The following RBM33 variants were observed in gnomAD, a reference collection of about 807,000 sequenced individuals.
RBM33 encodes RNA-binding protein 33.
A neutral mutation model predicts 132.6 loss-of-function variants in RBM33; 28 were observed. The ratio of observed to expected loss-of-function variants is 0.21; its 90% CI spans 0.16 to 0.29. RBM33 has a LOEUF of 0.29. RBM33 is among the 10% of genes least tolerant of loss of function. The probability of loss-of-function intolerance (pLI) is 1.00; values close to 1 mark genes in which losing one functional copy is unlikely to be tolerated. For missense variants in RBM33, 1,291 were observed against 1,518.5 expected, an observed-to-expected ratio of 0.85 and a Z score of 2.49; for synonymous variants, 634 against 593.0, an observed-to-expected ratio of 1.07 and a Z score of -1.01.
rs757671042 is a variant in RBM33, at chr7:155,706,760, G to A, written c.740-100G>A. On this transcript the variant is annotated intron_variant, in intron 6 of 17. Transcript: ENST00000401878. ...TTCCTGCGGGTGAAGCACATGCTGT[G>A]GCAGAGTTTCATTGTCACATCATTC... 253 of 970,442 alleles carry A rather than the reference G, an allele frequency of 2.6e-4. 2 individuals are homozygous for A. Among genetic ancestry groups the A allele is most frequent in the Non-Finnish European group, 3.6e-4 (237 of 652,210 alleles). 60.1% of individuals were successfully genotyped at this position (970,442 alleles called of 1,614,324 possible).
chr7:155,713,077 A>C (rs933303201), intron 8 of RBM33, among the ~76,000 whole-genome samples: 7 of 152,090 alleles, frequency 4.6e-5, no homozygotes, highest in Admixed American at 2.6e-4. Context: ...GGATTTGCTG[A>C]TGGATTGGAT....
At position 155,775,269 on chromosome 7, in the gene RBM33, C is replaced by G. The variant is rs76316344; in HGVS notation, c.*228C>G. On this transcript the variant is annotated 3_prime_UTR_variant, in exon 18 of 18. Transcript: ENST00000401878. ...TAGATTGCTTCACATTCTCTTGTCACCACCAAGAACTCCAAGTTTTTCGTT... is the reference window on the plus strand; with the variant it reads ...TAGATTGCTTCACATTCTCTTGTCAGCACCAAGAACTCCAAGTTTTTCGTT... The G allele has an allele frequency of 6.3e-6, 4 of 638,524 alleles. No individual in the cohort carries two copies. Among genetic ancestry groups the G allele is most frequent in the African/African-American group, 5.5e-5 (3 of 54,564 alleles). 39.6% of individuals were successfully genotyped at this position (638,524 alleles called of 1,614,324 possible). A position where few individuals can be genotyped will look rare whatever the true frequency, so the allele number is the denominator to read the frequency against.
intron 14 of RBM33, among the ~76,000 whole-genome samples, chr7:155,762,216 C>T (rs1187113247): frequency 1.3e-5 from 2 of 152,180 alleles, no homozygotes; most frequent in East Asian, 3.9e-4. Context: ...TTAGGTTTCT[C>T]AGATTTCTGG....
intron 7 of RBM33, among the ~76,000 whole-genome samples, chr7:155,707,674 G>A (rs1179391639): frequency 6.6e-6 from 1 of 151,662 alleles, no homozygotes; most frequent in African/African-American, 2.4e-5. Context: ...TTTTGTTTTT[G>A]ATACAGAGTC....
intron 5 of RBM33, 46 bp from the exon 6 acceptor site, chr7:155,700,727 A>G: frequency 7.5e-7 from 1 of 1,330,492 alleles, no homozygotes; most frequent in South Asian, 1.4e-5. Flanking sequence ...ATTCAAAAGA[A>G]TATGAACTTA....
chr7:155,699,165 T>A (rs150235851), intron 5 of RBM33, among the ~76,000 whole-genome samples: 12 of 152,318 alleles, frequency 7.9e-5, no homozygotes, highest in Non-Finnish European at 1.3e-4. Context: ...TGTTAATAGT[T>A]GAATTGAAGA....
At chr7:155,672,583 C>T (rs775613913) in intron 2 of RBM33, among the ~76,000 whole-genome samples, 1 of 151,892 alleles carries the variant, frequency 6.6e-6, no homozygotes, top group African/African-American at 2.4e-5. Context: ...GGTGAAATCC[C>T]GTCTCTACTA....
intron 9 of RBM33, among the ~76,000 whole-genome samples, chr7:155,724,076 C>A (rs1235417625): frequency 6.6e-6 from 1 of 152,146 alleles, no homozygotes; most frequent in Admixed American, 6.5e-5. Flanking sequence ...TCTTGGAACT[C>A]CTCTGTGCAG....
chr7:155,722,240 G>A (rs1800650217), intron 9 of RBM33, among the ~76,000 whole-genome samples: 1 of 152,178 alleles, frequency 6.6e-6, no homozygotes, highest in Non-Finnish European at 1.5e-5. Flanking sequence ...TGTGACTGAT[G>A]ACCCTGTTAC....
intron 8 of RBM33, 55 bp from the exon 9 acceptor site, chr7:155,718,330 A>G: frequency 7.4e-7 from 1 of 1,346,598 alleles, no homozygotes; most frequent in Non-Finnish European, 1.1e-6. Flanking sequence ...GTTGTCTTAC[A>G]GGGGTTTGAG....
intron 9 of RBM33, among the ~76,000 whole-genome samples, chr7:155,730,039 G>C (rs774971007): frequency 3.3e-5 from 5 of 152,170 alleles, no homozygotes; most frequent in Non-Finnish European, 7.3e-5. Flanking sequence ...AGAATGTGAG[G>C]CTCGGGGAAT....
At chr7:155,685,500 C>T (rs1488640793) in intron 5 of RBM33, among the ~76,000 whole-genome samples, 3 of 152,110 alleles carry the variant, frequency 2.0e-5, no homozygotes, top group African/African-American at 4.8e-5. Flanking sequence ...GAAAAAAGAC[C>T]TGTAAATACC....
At chr7:155,711,954 G>A (rs1800315833) in intron 8 of RBM33, among the ~76,000 whole-genome samples, 1 of 152,250 alleles carries the variant, frequency 6.6e-6, no homozygotes, top group South Asian at 2.1e-4. Context: ...GTAAGATTGA[G>A]TTTTCCTTGG....
At chr7:155,726,812 A>G (rs1022691204) in intron 9 of RBM33, among the ~76,000 whole-genome samples, 1 of 152,246 alleles carries the variant, frequency 6.6e-6, no homozygotes, top group Non-Finnish European at 1.5e-5. Flanking sequence ...TGCAGAAGCA[A>G]TGCACTATGA....
Position 155,779,535 on chromosome 7 carries a change from T to C in RBM33, c.*4494T>C, listed in dbSNP as rs754114886. 6.6e-6 allele frequency: 1 copy of C among 152,266 alleles called. No individual in the cohort carries two copies. The highest frequency in any genetic ancestry group is 2.4e-5 in the African/African-American group (1 of 41,474). 9.4% of individuals were successfully genotyped at this position (152,266 alleles called of 1,614,324 possible). On this transcript the variant is annotated 3_prime_UTR_variant, in exon 18 of 18. Transcript: ENST00000401878. ...AAGGCATTTAGCCTTGACTTAATAT[T>C]AAATCCTAAGGATTTTATGTAAGGT...
rs1187295032 is a variant in RBM33, at chr7:155,673,717, TATATACACACACATATATACATAC to T, written c.171+804_171+827del. ...ACATATATACATACACACGTGTATA[TATATACACACACATATATACATAC>T]ACACGTGTATATACGCGCGCATGCG... On this transcript the variant is annotated intron_variant, in intron 3 of 17. Transcript: ENST00000401878. 1.3e-3 allele frequency among the ~76,000 whole-genome samples: 183 copies of T among 145,462 alleles called. 18 individuals carry two copies. Among genetic ancestry groups the T allele is most frequent in the African/African-American group, 4.0e-3 (155 of 38,736 alleles).
chr7:155,731,533 C>A (rs551269270), intron 9 of RBM33, among the ~76,000 whole-genome samples: 1 of 152,100 alleles, frequency 6.6e-6, no homozygotes, highest in Non-Finnish European at 1.5e-5. Flanking sequence ...AAGACGTTGA[C>A]CAAGTGACTA....
chr7:155,730,415 C>A (rs753423470), intron 9 of RBM33, among the ~76,000 whole-genome samples: 12 of 152,196 alleles, frequency 7.9e-5, no homozygotes, highest in Non-Finnish European at 1.6e-4. Context: ...CTGCTGTCTA[C>A]AAAAAGGTGT....
At position 155,737,604 on chromosome 7, in the gene RBM33, C is replaced by T; in HGVS notation, c.1335C>T (p.Leu445=). 2 of 1,613,082 alleles carry T rather than the reference C, an allele frequency of 1.2e-6. No individual in the cohort carries two copies. Among genetic ancestry groups the T allele is most frequent in the Non-Finnish European group, 1.7e-6 (2 of 1,179,562 alleles). Residue 445 remains leucine (L), a synonymous_variant, in exon 10 of 18, where the codon CTC becomes CTT. Transcript: ENST00000401878. ...NSFSQPPRLP[L]QDQWRAPPPP... is the part of the protein sequence containing the mutation. The stretch of plus-strand genomic sequence containing the variant: ...TCAGCCAGCCCCCACGACTCCCTCT[C>T]CAGGACCAGTGGAGAGCCCCACCCC...
Sources: gnomAD v4.1 joint callset for allele counts (sites outside exome capture counted in the v4.1 genomes callset) on GRCh38, gnomAD v4.1.1 for gene constraint, MANE v1.5 for transcripts, NCBI Gene and HGNC (gene_info 2026-07-23, HGNC 2026-07-21) for gene names.